MYOF: variants seen among roughly 807,000 people sequenced by gnomAD.
MYOF encodes the protein fer-1-like 3, myoferlin.
MYOF carries 244 observed loss-of-function variants against 284.2 expected under a neutral mutation model. The observed-to-expected ratio is 0.86, with a 90% CI of 0.77 to 0.95. The LOEUF (loss-of-function observed/expected upper bound fraction) is 0.95, where lower values mean the gene tolerates loss of function less well. Among genes scored for constraint, MYOF ranks in the 40% least tolerant of loss-of-function variants. The pLI is 0.00. For synonymous variants in MYOF, 904 were observed against 919.7 expected, an observed-to-expected ratio of 0.98 and a Z score of 0.31; for missense variants, 2,496 against 2,560.6, an observed-to-expected ratio of 0.97 and a Z score of 0.54.
chr10:93,391,604 AAAAG>A (rs970862795), intron 17 of MYOF, among the ~76,000 whole-genome samples: 4 of 151,842 alleles, frequency 2.6e-5, no homozygotes, highest in African/African-American at 4.8e-5. Context: ...TCAGAAAAAA[AAAAG>A]AAAGAAACAA....
At chr10:93,459,567 T>A (rs550389838) in intron 1 of MYOF, among the ~76,000 whole-genome samples, 1 of 152,220 alleles carries the variant, frequency 6.6e-6, no homozygotes, top group Non-Finnish European at 1.5e-5. Flanking sequence ...CTCCAAAATC[T>A]GTGTTTGTGT....
intron 37 of MYOF, among the ~76,000 whole-genome samples, chr10:93,347,024 C>T (rs1844213917): frequency 6.6e-6 from 1 of 152,200 alleles, no homozygotes; most frequent in South Asian, 2.1e-4. Flanking sequence ...CAAAAGAAGT[C>T]TTACATTCAC....
chr10:93,312,647 CTT>C (rs5787051), intron 51 of MYOF, among the ~76,000 whole-genome samples: 1 of 147,048 alleles, frequency 6.8e-6, no homozygotes, highest in African/African-American at 2.5e-5. Flanking sequence ...CCAGCCCTAC[CTT>C]TTTTTTTTAA....
At chr10:93,463,617 C>A (rs2056935027) in intron 1 of MYOF, among the ~76,000 whole-genome samples, 1 of 151,704 alleles carries the variant, frequency 6.6e-6, no homozygotes, top group African/African-American at 2.4e-5. Context: ...TCAGGCTGGT[C>A]TCAAACTCCT....
At chr10:93,470,684 G>A (rs2057126208) in intron 1 of MYOF, among the ~76,000 whole-genome samples, 1 of 152,112 alleles carries the variant, frequency 6.6e-6, no homozygotes, top group Non-Finnish European at 1.5e-5. Flanking sequence ...TTACAGGTGT[G>A]AGCCACCACA....
intron 7 of MYOF, 130 bp from the exon 8 acceptor site, chr10:93,404,349 A>T: frequency 8.1e-6 from 7 of 861,474 alleles, no homozygotes; most frequent in Non-Finnish European, 1.3e-5. Context: ...TGACCATGTG[A>T]ACACATGGCA....
intron 29 of MYOF, 47 bp downstream of exon 29, chr10:93,359,786 G>T (rs1043951555): frequency 1.3e-5 from 21 of 1,608,714 alleles, no homozygotes; most frequent in Non-Finnish European, 1.8e-5. Flanking sequence ...TTTGTAGTCA[G>T]GAGGGCAGAG....
chr10:93,363,552 G>A (rs995611041), intron 27 of MYOF, among the ~76,000 whole-genome samples: 9 of 152,182 alleles, frequency 5.9e-5, no homozygotes, highest in African/African-American at 1.9e-4. Flanking sequence ...TGTAGTCCCA[G>A]CTACTGGGGA....
chr10:93,461,007 A>G (rs1039390681), intron 1 of MYOF, among the ~76,000 whole-genome samples: 9 of 151,860 alleles, frequency 5.9e-5, no homozygotes, highest in African/African-American at 2.2e-4. Context: ...AGGCAGGAGA[A>G]TCGCTTGAAC....
intron 40 of MYOF, among the ~76,000 whole-genome samples, chr10:93,336,955 G>A (rs1423728878): frequency 1.3e-5 from 2 of 150,304 alleles, no homozygotes; most frequent in East Asian, 1.9e-4. Context: ...AAGGTAGGAA[G>A]ACAGGCAGGC....
intron 41 of MYOF, among the ~76,000 whole-genome samples, chr10:93,335,025 T>C (rs1158192594): frequency 2.0e-5 from 3 of 152,322 alleles, no homozygotes; most frequent in African/African-American, 7.2e-5. Context: ...ATACTTTCCA[T>C]GTGTAAGATG....
Position 93,397,030 on chromosome 10 carries a change from C to CTT in MYOF, c.1334+215_1334+216dup, listed in dbSNP as rs1219064596. On this transcript the variant is annotated intron_variant, in intron 15 of 53. Coordinates refer to ENST00000359263, the MANE Select transcript of MYOF (RefSeq NM_013451.4). ...GGGGCATTTTCAGCACGTTCCCCTT[C>CTT]TTTTGTTTATGAGCAGTTGAACCGA... 6.6e-5 allele frequency among the ~76,000 whole-genome samples: 10 copies of CTT among 152,226 alleles called. No individual in the cohort carries two copies. In the South Asian group the frequency reaches 1.9e-3, roughly 28 times the overall value.
rs111948247 is a variant in MYOF at position 93,315,453 on chromosome 10, C to T, written c.5698+1261G>A. Among the ~76,000 whole-genome samples, 982 of 152,148 alleles carry T rather than the reference C, an allele frequency of 6.5e-3. 1 individual carries two copies. Among genetic ancestry groups the T allele is most frequent in the Middle Eastern group, 0.017 (5 of 294 alleles). ...AGAGGAGGAAAACCACAGAGGACTC[C>T]GGGTGCTTTCGCCTGGGTGGCTGGG... On this transcript the variant is annotated intron_variant, in intron 50 of 53. Coordinates refer to ENST00000359263, the MANE Select transcript of MYOF (RefSeq NM_013451.4).
rs1377626956 is a variant in MYOF at position 93,453,849 on chromosome 10, C to T, written c.145-1708G>A. ...GCAGTTAGTTATGACTGTGCCATTA[C>T]ACTCTGGCCTGGGTGGCAGAGGAAG... On this transcript the variant is annotated intron_variant, in intron 2 of 53. Coordinates refer to ENST00000359263, the MANE Select transcript of MYOF (RefSeq NM_013451.4). 3.3e-5 allele frequency among the ~76,000 whole-genome samples: 5 copies of T among 152,114 alleles called. No homozygotes were observed. In the East Asian group the frequency reaches 9.7e-4, roughly 30 times the overall value.
At chr10:93,415,853 A>T (rs1190992225) in intron 5 of MYOF, among the ~76,000 whole-genome samples, 1 of 152,202 alleles carries the variant, frequency 6.6e-6, no homozygotes, top group Admixed American at 6.5e-5. Context: ...ATCACCCAGA[A>T]TATTAAAAAA....
chr10:93,479,855 A>G (rs527290057), intron 1 of MYOF, among the ~76,000 whole-genome samples: 16 of 152,326 alleles, frequency 1.1e-4, no homozygotes, highest in Admixed American at 1.0e-3. Flanking sequence ...TAAATGTGTA[A>G]TTGTTTGTAT....
At position 93,307,228 on chromosome 10, in the gene MYOF, G is replaced by A. The variant is rs191118535; in HGVS notation, c.6148-227C>T. ...TGTTGCAACCAAAATGTCTCCAGACGTTGGCAAATGTCCTCTTGGGGGTGG... is the reference window on the plus strand; with the variant it reads ...TGTTGCAACCAAAATGTCTCCAGACATTGGCAAATGTCCTCTTGGGGGTGG... On this transcript the variant is annotated intron_variant, in intron 53 of 53. Transcript: ENST00000359263. Among the ~76,000 whole-genome samples, 18 of 151,918 alleles carry A rather than the reference G, an allele frequency of 1.2e-4. No homozygotes were observed. In the East Asian group the frequency reaches 1.9e-3, roughly 16 times the overall value.
intron 5 of MYOF, among the ~76,000 whole-genome samples, chr10:93,422,334 C>T (rs1278199335): frequency 6.6e-6 from 1 of 152,186 alleles, no homozygotes; most frequent in Non-Finnish European, 1.5e-5. Flanking sequence ...TGCGCTTGTG[C>T]AGTTCCCTGG....
intron 26 of MYOF, among the ~76,000 whole-genome samples, 158 bp downstream of exon 26, chr10:93,366,234 A>G (rs1454072570): frequency 1.3e-5 from 2 of 152,180 alleles, no homozygotes; most frequent in Non-Finnish European, 2.9e-5. Flanking sequence ...CTTATGGTGG[A>G]ACATCTTTCA....
Sources: gnomAD v4.1 joint callset for allele counts (sites outside exome capture counted in the v4.1 genomes callset) on GRCh38, gnomAD v4.1.1 for gene constraint, MANE v1.5 for transcripts, NCBI Gene and HGNC (gene_info 2026-07-23, HGNC 2026-07-21) for gene names.